The following PALM2AKAP2 variants were observed in gnomAD, a reference collection of about 807,000 sequenced individuals.
PALM2AKAP2 encodes the protein PALM2 and AKAP2 fusion.
Under a neutral mutation model 71.5 loss-of-function variants are expected in PALM2AKAP2, and 37 were observed. The ratio of observed to expected loss-of-function variants is 0.52; its 90% CI spans 0.40 to 0.68. PALM2AKAP2 has a LOEUF of 0.68. Ranked by LOEUF, PALM2AKAP2 falls within the 30% of genes least tolerant of loss-of-function variation. PALM2AKAP2 has a pLI of 0.00. For missense variants in PALM2AKAP2, 1,224 were observed against 1,191.8 expected (o/e 1.03, Z -0.40); for synonymous variants, 468 against 478.8 (o/e 0.98, Z 0.29).
intron 7 of PALM2AKAP2, among the ~76,000 whole-genome samples, chr9:110,036,298 C>T (rs2132440314): frequency 6.6e-6 from 1 of 152,138 alleles, no homozygotes; most frequent in South Asian, 2.1e-4. Context: ...TTTTTTTGAA[C>T]CCGTTAATAA....
At chr9:110,123,875 G>A (rs995121664) in intron 1 of PALM2AKAP2, among the ~76,000 whole-genome samples, 1 of 152,224 alleles carries the variant, frequency 6.6e-6, no homozygotes, top group African/African-American at 2.4e-5. Flanking sequence ...CTCAAGCAGA[G>A]CAATGCCATT....
chr9:110,135,586 A>G (rs10980217), intron 1 of PALM2AKAP2, among the ~76,000 whole-genome samples: 3,585 of 152,270 alleles, frequency 0.024, 229 homozygotes, highest in East Asian at 0.19. Flanking sequence ...GATGGTGTTC[A>G]TAAGGCACAT....
At chr9:109,696,248 GA>G (rs1827968594) in intron 1 of PALM2AKAP2, among the ~76,000 whole-genome samples, 1 of 151,504 alleles carries the variant, frequency 6.6e-6, no homozygotes. Flanking sequence ...GTTTCAGCAA[GA>G]AAAAAAAGCC....
chr9:109,918,812 T>C (rs1713443264), intron 3 of PALM2AKAP2, among the ~76,000 whole-genome samples: 1 of 152,250 alleles, frequency 6.6e-6, no homozygotes, highest in Admixed American at 6.5e-5. Context: ...GGATCTGACA[T>C]AAACTCTCCA....
chr9:110,038,255 G>A (rs1353270713), intron 7 of PALM2AKAP2, among the ~76,000 whole-genome samples: 2 of 151,906 alleles, frequency 1.3e-5, no homozygotes, highest in African/African-American at 2.4e-5. Context: ...GCTTGAGCCC[G>A]GCAGGTCAAG....
intron 5 of PALM2AKAP2, among the ~76,000 whole-genome samples, chr9:109,931,605 A>G (rs575305464): frequency 8.3e-4 from 126 of 152,290 alleles, no homozygotes; most frequent in Middle Eastern, 3.4e-3. Flanking sequence ...CAAGTTGATA[A>G]TGGCTCCCAC....
At chr9:109,702,194 G>A (rs963362574) in intron 1 of PALM2AKAP2, among the ~76,000 whole-genome samples, 3 of 151,958 alleles carry the variant, frequency 2.0e-5, no homozygotes, top group African/African-American at 7.2e-5. Flanking sequence ...GATTCCTCAG[G>A]GATCTAGAAC....
In PALM2AKAP2 at chr9:109,781,279, C is replaced by CTTAA. The variant is rs1246990782; in HGVS notation, c.45+747_45+750dup. On this transcript the variant is annotated intron_variant, in intron 1 of 9. Coordinates refer to the PALM2AKAP2 transcript ENST00000302798. ...CTGAGACTGCCTAGATTTGAGCAATCTTAACACAGTGTTGCCAATGATCCA... is the reference window on the plus strand; with the variant it reads ...CTGAGACTGCCTAGATTTGAGCAATCTTAATTAACACAGTGTTGCCAATGATCCA... Among the ~76,000 whole-genome samples the CTTAA allele has an allele frequency of 1.2e-4, 18 of 152,322 alleles. No homozygotes were observed. In the East Asian group the frequency reaches 3.5e-3, roughly 29 times the overall value.
At chr9:110,000,102 C>T (rs1189285680) in intron 6 of PALM2AKAP2, among the ~76,000 whole-genome samples, 3 of 151,782 alleles carry the variant, frequency 2.0e-5, no homozygotes, top group Admixed American at 1.3e-4. Context: ...TGTTGGTGTG[C>T]TGCACACATT....
intron 1 of PALM2AKAP2, among the ~76,000 whole-genome samples, chr9:110,100,192 C>G (rs1271229482): frequency 6.6e-6 from 1 of 151,378 alleles, no homozygotes; most frequent in Non-Finnish European, 1.5e-5. Context: ...TCAACCTTAA[C>G]CCAAGCAAAG....
intron 6 of PALM2AKAP2, among the ~76,000 whole-genome samples, chr9:109,999,058 G>A (rs567816960): frequency 1.3e-5 from 2 of 152,048 alleles, no homozygotes; most frequent in African/African-American, 4.8e-5. Flanking sequence ...TCAGGGTCTG[G>A]CTGGGCACGG....
chr9:109,861,989 T>C (rs1330946927), intron 1 of PALM2AKAP2, among the ~76,000 whole-genome samples: 2 of 152,222 alleles, frequency 1.3e-5, no homozygotes, highest in East Asian at 3.8e-4. Context: ...ATTACATGTA[T>C]TCATCATACA....
intron 6 of PALM2AKAP2, chr9:109,942,639 CT>C: frequency 1.3e-6 from 2 of 1,513,126 alleles, no homozygotes; most frequent in Non-Finnish European, 1.8e-6. Context: ...CATTCACTGG[CT>C]TTTTTTGTTG....
rs1453588987 is a variant in PALM2AKAP2 at position 110,032,739 on chromosome 9, T to A, written c.582+16700T>A. On this transcript the variant is annotated intron_variant, in intron 7 of 9. Transcript: ENST00000302798. ...ATAAATAAATAAATAAATAAATAAA[T>A]AAAATAAAAAATAAAAAAACAAAAA... Among the ~76,000 whole-genome samples the A allele has an allele frequency of 6.8e-3, 765 of 111,708 alleles. 11 individuals are homozygous for A. The highest frequency in any genetic ancestry group is 0.02 in the African/African-American group (656 of 32,040). The allele number at this position is 111,708 out of a possible 152,430, so 73.3% of individuals were successfully genotyped here.
chr9:109,798,091 C>T (rs1351345473), intron 1 of PALM2AKAP2, among the ~76,000 whole-genome samples: 6 of 152,208 alleles, frequency 3.9e-5, no homozygotes, highest in African/African-American at 1.4e-4. Flanking sequence ...GGCCTCTCTC[C>T]TGGACTTGGG....
chr9:110,056,604 C>T (rs986849078), intron 1 of PALM2AKAP2, among the ~76,000 whole-genome samples: 15 of 152,132 alleles, frequency 9.9e-5, no homozygotes, highest in African/African-American at 3.6e-4. Context: ...TTTATACTTG[C>T]AAAGGTTAGC....
At chr9:109,661,979 G>A (rs965310087) in intron 1 of PALM2AKAP2, among the ~76,000 whole-genome samples, 13 of 152,272 alleles carry the variant, frequency 8.5e-5, no homozygotes, top group African/African-American at 2.9e-4. Context: ...TCTGTTAATG[G>A]TGTATAAGAA....
intron 1 of PALM2AKAP2, among the ~76,000 whole-genome samples, chr9:109,673,994 T>C (rs1827613265): frequency 1.3e-5 from 2 of 152,050 alleles, no homozygotes; most frequent in Non-Finnish European, 2.9e-5. Context: ...TGTTTGTCAT[T>C]TCATGTGAGG....
chr9:109,830,649 C>G (rs1354704537), intron 1 of PALM2AKAP2, among the ~76,000 whole-genome samples: 2 of 152,208 alleles, frequency 1.3e-5, no homozygotes, highest in Non-Finnish European at 2.9e-5. Flanking sequence ...GCCAATATTT[C>G]TAAGCCTGGC....
Sources: gnomAD v4.1 joint callset for allele counts (sites outside exome capture counted in the v4.1 genomes callset) on GRCh38, gnomAD v4.1.1 for gene constraint, MANE v1.5 for transcripts, NCBI Gene and HGNC (gene_info 2026-07-23, HGNC 2026-07-21) for gene names.